The following GRID2 variants were observed in gnomAD, a reference collection of about 807,000 sequenced individuals.
The protein encoded by GRID2 is glutamate receptor ionotropic, delta-2.
Under a neutral mutation model 114.8 loss-of-function variants are expected in GRID2, and 33 were observed. The observed-to-expected ratio is 0.29, with a 90% confidence interval of 0.22 to 0.38. The LOEUF is 0.38. GRID2 is among the 10% of genes least tolerant of loss of function. GRID2 has a pLI of 1.00. For missense variants in GRID2, 1,184 were observed against 1,257.7 expected (o/e 0.94, Z 0.89); for synonymous variants, 505 against 449.9 (o/e 1.12, Z -1.55).
intron 11 of GRID2, among the ~76,000 whole-genome samples, chr4:93,484,789 G>A (rs1726223519): frequency 6.6e-6 from 1 of 151,844 alleles, no homozygotes; most frequent in African/African-American, 2.4e-5. Context: ...CACTACGCAT[G>A]AAGAAACCTT....
At chr4:92,320,799 T>G (rs559428639) in intron 1 of GRID2, among the ~76,000 whole-genome samples, 1 of 152,106 alleles carries the variant, frequency 6.6e-6, no homozygotes, top group South Asian at 2.1e-4. Flanking sequence ...CTTTTGAAAA[T>G]ATTTCTTTTT....
chr4:92,934,156 T>A (rs547789880), intron 2 of GRID2, among the ~76,000 whole-genome samples: 1 of 151,970 alleles, frequency 6.6e-6, no homozygotes, highest in South Asian at 2.1e-4. Context: ...TGATTCTTCC[T>A]ACCCATGAGC....
chr4:93,184,342 G>C lies in GRID2; in HGVS notation c.736-23062G>C, dbSNP rs549587691. Among the ~76,000 whole-genome samples the C allele has an allele frequency of 9.9e-5, 15 of 152,062 alleles. No homozygotes were observed. In the South Asian group the frequency reaches 3.1e-3, roughly 32 times the overall value. On this transcript the variant is annotated intron_variant, in intron 4 of 15. Coordinates refer to ENST00000282020, the MANE Select transcript of GRID2 (RefSeq NM_001510.4). ...CAGTGCCACTTAGCTTTACTTAAGT[G>C]GTGTATTTACTGCCTGTGTCCGTGT...
rs180931621 is a variant in GRID2, at chr4:93,715,993, C to A, written c.2361-53217C>A. ...GAATAGGAGAGGTGAGAGAGGGTAT[C>A]CTTGTCTTGTGCCAGTTATCAAGGG... On this transcript the variant is annotated intron_variant, in intron 14 of 15. Coordinates refer to ENST00000282020, the MANE Select transcript of GRID2 (RefSeq NM_001510.4). Among the ~76,000 whole-genome samples, 44 of 152,234 alleles carry A rather than the reference C, an allele frequency of 2.9e-4. No individual in the cohort carries two copies. The East Asian group carries it at 7.9e-3, about 27-fold the overall frequency.
intron 2 of GRID2, among the ~76,000 whole-genome samples, chr4:93,006,285 G>A (rs1486024920): frequency 2.0e-5 from 3 of 152,084 alleles, no homozygotes; most frequent in Admixed American, 1.3e-4. Context: ...CACTGAATTA[G>A]AAAGACAGAC....
chr4:92,736,193 A>G (rs910264402), intron 2 of GRID2, among the ~76,000 whole-genome samples: 24 of 152,132 alleles, frequency 1.6e-4, no homozygotes, highest in African/African-American at 5.5e-4. Context: ...AGAAGGAGGT[A>G]TAACACTGAG....
intron 14 of GRID2, among the ~76,000 whole-genome samples, chr4:93,741,188 T>TATAC (rs1379547699): frequency 3.2e-5 from 1 of 30,934 alleles, no homozygotes; most frequent in Non-Finnish European, 6.3e-5. Flanking sequence ...TATATATATA[T>TATAC]ATATATATAT....
intron 2 of GRID2, among the ~76,000 whole-genome samples, chr4:93,055,261 G>A (rs1046909851): frequency 5.3e-5 from 8 of 151,680 alleles, no homozygotes; most frequent in African/African-American, 1.9e-4. Flanking sequence ...ACTGCACAAA[G>A]TTCCACCCCT....
intron 1 of GRID2, among the ~76,000 whole-genome samples, chr4:92,339,940 G>A (rs763167586): frequency 2.6e-5 from 4 of 152,114 alleles, no homozygotes; most frequent in Non-Finnish European, 4.4e-5. Context: ...TTAGGCTCAT[G>A]TTGAAAACAC....
At chr4:92,504,727 G>A (rs571825613) in intron 1 of GRID2, among the ~76,000 whole-genome samples, 2 of 151,726 alleles carry the variant, frequency 1.3e-5, no homozygotes, top group South Asian at 4.2e-4. Context: ...AAACAGATAG[G>A]TTCCTAAAAT....
chr4:93,464,759 T>C (rs1291427506), intron 11 of GRID2, among the ~76,000 whole-genome samples: 1 of 152,156 alleles, frequency 6.6e-6, no homozygotes, highest in Non-Finnish European at 1.5e-5. Flanking sequence ...CACATAAAAT[T>C]GTTCTTTGAT....
intron 13 of GRID2, among the ~76,000 whole-genome samples, chr4:93,599,439 T>C (rs1300442855): frequency 6.6e-6 from 1 of 152,230 alleles, no homozygotes; most frequent in African/African-American, 2.4e-5. Flanking sequence ...AGCTTTTAGA[T>C]GATTACAGAA....
intron 3 of GRID2, among the ~76,000 whole-genome samples, chr4:93,093,367 A>G (rs1730940445): frequency 6.6e-6 from 1 of 152,004 alleles, no homozygotes; most frequent in Non-Finnish European, 1.5e-5. Context: ...TCTTCTCTTC[A>G]GCAGAGGTCC....
At chr4:92,848,131 C>A (rs868457044) in intron 2 of GRID2, among the ~76,000 whole-genome samples, 2 of 151,672 alleles carry the variant, frequency 1.3e-5, no homozygotes, top group Non-Finnish European at 1.5e-5. Flanking sequence ...TTTCCACAGT[C>A]ATTGATGTAA....
chr4:93,295,469 T>C (rs983257475), intron 8 of GRID2, among the ~76,000 whole-genome samples: 1 of 152,168 alleles, frequency 6.6e-6, no homozygotes, highest in African/African-American at 2.4e-5. Context: ...ATGCAGAGAA[T>C]TGGCTTATCA....
intron 5 of GRID2, among the ~76,000 whole-genome samples, chr4:93,210,647 C>T (rs906675971): frequency 1.3e-5 from 2 of 151,922 alleles, no homozygotes; most frequent in African/African-American, 4.8e-5. Context: ...GTTTAAGGCT[C>T]AATTTGTACT....
chr4:92,768,839 C>T (rs190756886), intron 2 of GRID2, among the ~76,000 whole-genome samples: 19 of 152,296 alleles, frequency 1.2e-4, no homozygotes, highest in African/African-American at 3.4e-4. Flanking sequence ...CCTCCCACTT[C>T]GTTCCTCCTA....
At chr4:92,916,696 T>C (rs1479826704) in intron 2 of GRID2, among the ~76,000 whole-genome samples, 1 of 152,186 alleles carries the variant, frequency 6.6e-6, no homozygotes, top group Non-Finnish European at 1.5e-5. Flanking sequence ...GAACTCGTCA[T>C]TTTTTATAGC....
chr4:93,356,719 CAAGA>C (rs1308192720), intron 8 of GRID2, among the ~76,000 whole-genome samples: 4 of 151,726 alleles, frequency 2.6e-5, no homozygotes, highest in Non-Finnish European at 5.9e-5. Context: ...AAAAGTTGTA[CAAGA>C]AAGACAGAAA....
Sources: allele counts gnomAD v4.1 joint callset (sites outside exome capture counted in the v4.1 genomes callset), GRCh38; gene constraint gnomAD v4.1.1; transcripts MANE v1.5; gene names NCBI Gene and HGNC (gene_info 2026-07-23, HGNC 2026-07-21).